The following SCPEP1 variants were observed in gnomAD, a reference collection of about 807,000 sequenced individuals.
SCPEP1 encodes the protein retinoid-inducible serine carboxypeptidase.
In SCPEP1, 51 loss-of-function variants were observed where a neutral mutation model predicts 63.8. The observed-to-expected ratio is 0.80, with a 90% CI of 0.64 to 1.01. SCPEP1 has a LOEUF of 1.01. Ranked by LOEUF, SCPEP1 falls within the 50% of genes least tolerant of loss-of-function variation. SCPEP1 has a pLI of 0.00. For missense variants in SCPEP1, 499 were observed against 554.9 expected, an observed-to-expected ratio of 0.90 and a Z score of 1.01; for synonymous variants, 204 against 207.8, an observed-to-expected ratio of 0.98 and a Z score of 0.16.
In SCPEP1 at chr17:56,991,099, G is replaced by C. The variant is rs1195377879; in HGVS notation, c.547G>C (p.Ala183Pro). The C allele has an allele frequency of 6.2e-7, 1 of 1,613,140 alleles. No homozygotes were observed. The highest frequency in any genetic ancestry group is 8.5e-7 in the Non-Finnish European group (1 of 1,179,238). Reference sequence around the variant, plus strand: ...GGACGTTTCTTGTTTCCTCTTTCAGGCCATTCAGCGAGGGACCATCAAGTG... The same window carrying C: ...GGACGTTTCTTGTTTCCTCTTTCAGCCCATTCAGCGAGGGACCATCAAGTG... ...AAGIGLELYK[A>P]IQRGTIKCNF... is the part of the protein sequence containing the mutation. The change falls in exon 6 of 13, where the codon GCC (alanine) becomes CCC (proline). Residue 183 changes from alanine to proline, a missense_variant and splice_region_variant. By Grantham distance (27) the Ala-to-Pro change is conservative. Transcript: ENST00000262288.
chr17:56,994,786 C>T (rs1911496639), intron 6 of SCPEP1, 195 bp from the exon 7 acceptor site: 1 of 522,190 alleles, frequency 1.9e-6, no homozygotes, highest in Non-Finnish European at 3.5e-6. Context: ...CCCCCACACC[C>T]TTATCCCACC....
chr17:56,994,203 A>G (rs563230575), intron 6 of SCPEP1, among the ~76,000 whole-genome samples: 27 of 152,308 alleles, frequency 1.8e-4, no homozygotes, highest in Non-Finnish European at 3.5e-4. Flanking sequence ...ACTTTGAGAC[A>G]CTTTGCCTTA....
At position 56,981,133 on chromosome 17, in the gene SCPEP1, T is replaced by C; in HGVS notation, c.128T>C (p.Val43Ala). The C allele has an allele frequency of 1.2e-6, 2 of 1,614,212 alleles. No homozygotes were observed. Among genetic ancestry groups the C allele is most frequent in the East Asian group, 4.5e-5 (2 of 44,884 alleles). The change falls in exon 2 of 13, where the codon GTG becomes GCG. Residue 43 changes from valine (V) to alanine (A), a missense_variant. Transcript: ENST00000262288. The part of the protein sequence containing the change: ...TEEGKEVWDY[V>A]TVRKDAYMFW... ...GAGGGCAAGGAAGTATGGGATTATG[T>C]GACGGTCCGCAAGGATGCCTACATG...
rs1910968373 is a variant in SCPEP1, at chr17:56,978,181, T to G, written c.22T>G (p.Ser8Ala). 6.4e-7 allele frequency: 1 copy of G among 1,555,508 alleles called. No homozygotes were observed. The highest frequency in any genetic ancestry group is 1.4e-5 in the African/African-American group (1 of 73,454). ...TGTCATGGAGCTGGCACTGCGGCGC[T>G]CTCCCGTCCCGCGGTGGTTGCTGCT... MELALRR[S>A]PVPRWLLLLP... Residue 8 changes from serine (S) to alanine (A), a missense_variant, in exon 1 of 13, where the codon TCT becomes GCT. Ser to Ala is a moderately conservative substitution (Grantham distance 99). Transcript: ENST00000262288.
chr17:56,998,956 A>G (rs77957617), intron 10 of SCPEP1, among the ~76,000 whole-genome samples: 17 of 152,238 alleles, frequency 1.1e-4, no homozygotes, highest in South Asian at 4.2e-4. Flanking sequence ...CCTGTTTCTT[A>G]AAAAGGGGAA....
intron 12 of SCPEP1, among the ~76,000 whole-genome samples, chr17:57,003,965 A>C (rs1911813494): frequency 1.3e-5 from 2 of 152,084 alleles, no homozygotes; most frequent in South Asian, 2.1e-4. Flanking sequence ...TTGGGAGGCG[A>C]AGGCAGGTGG....
intron 11 of SCPEP1, among the ~76,000 whole-genome samples, chr17:57,001,275 C>T (rs1911733815): frequency 1.3e-5 from 2 of 152,128 alleles, no homozygotes; most frequent in African/African-American, 4.8e-5. Flanking sequence ...AGACATTTTC[C>T]TGGTTATTGG....
chr17:56,983,994 C>T (rs4794677), intron 2 of SCPEP1: 57,245 of 151,952 alleles, frequency 0.38, 12,149 homozygotes, highest in East Asian at 0.59. Context: ...CTGAAACCTC[C>T]ACTTTTTGGG....
Position 57,006,294 on chromosome 17 carries a change from C to T in SCPEP1, c.*59C>T, listed in dbSNP as rs528362672. On this transcript the variant is annotated 3_prime_UTR_variant, in exon 13 of 13. Transcript: ENST00000262288. Reference sequence around the variant, plus strand: ...TTGGGGCACAGAGCTGAGCTGAGGCCGCTGAAGCTGTAGGAAGCGCCATTC... The same window carrying T: ...TTGGGGCACAGAGCTGAGCTGAGGCTGCTGAAGCTGTAGGAAGCGCCATTC... 1.4e-5 allele frequency: 19 copies of T among 1,356,210 alleles called. No homozygotes were observed. Among genetic ancestry groups the T allele is most frequent in the African/African-American group, 1.0e-4 (7 of 67,880 alleles). 84.0% of individuals were successfully genotyped at this position (1,356,210 alleles called of 1,614,324 possible).
At chr17:56,980,928 G>GT (rs367961116) in intron 1 of SCPEP1, among the ~76,000 whole-genome samples, 154 bp from the exon 2 acceptor site, 6 of 152,070 alleles carry the variant, frequency 3.9e-5, no homozygotes, top group African/African-American at 1.4e-4. Flanking sequence ...CATAGCCGAG[G>GT]TTTTTTCCTT....
chr17:56,986,423 C>T lies in SCPEP1; in HGVS notation c.315+956C>T, dbSNP rs140922620. 5.7e-3 allele frequency among the ~76,000 whole-genome samples: 870 copies of T among 152,100 alleles called. 3 individuals carry two copies. The highest frequency in any genetic ancestry group is 8.6e-3 in the Non-Finnish European group (582 of 67,982). ...TTAGGAGAGACGGGGTTTTACCATG[C>T]TGGTCAGGCTGGTCTTAAACTCTTG... On this transcript the variant is annotated intron_variant, in intron 3 of 12. Transcript: ENST00000262288.
At chr17:56,985,554 A>C in intron 3 of SCPEP1, 87 bp downstream of exon 3, 2 of 959,144 alleles carry the variant, frequency 2.1e-6, no homozygotes, top group South Asian at 2.7e-5. Context: ...CAAATGTAGC[A>C]ATCCCTCGCT....
At chr17:56,981,984 G>A (rs546055205) in intron 2 of SCPEP1, among the ~76,000 whole-genome samples, 7 of 152,246 alleles carry the variant, frequency 4.6e-5, no homozygotes, top group South Asian at 2.1e-4. Flanking sequence ...CTGCACCTTC[G>A]TGTGACTGTT....
intron 8 of SCPEP1, chr17:56,996,012 G>A (rs1911546794): frequency 6.5e-6 from 1 of 154,514 alleles, no homozygotes; most frequent in African/African-American, 2.4e-5. Context: ...AAGGACTTGG[G>A]AGTGTAGGCC....
At chr17:56,991,250 A>T in intron 6 of SCPEP1, 79 bp downstream of exon 6, 1 of 1,054,968 alleles carries the variant, frequency 9.5e-7, no homozygotes, top group Non-Finnish European at 1.5e-6. Context: ...TGTTGTCCAG[A>T]TCAAAGAGCT....
chr17:56,995,566 T>A lies in SCPEP1; in HGVS notation c.717T>A (p.Asn239Lys). 1.2e-6 allele frequency: 2 copies of A among 1,614,056 alleles called. No individual in the cohort carries two copies. The highest frequency in any genetic ancestry group is 1.7e-6 in the Non-Finnish European group (2 of 1,179,990). The change falls in exon 8 of 13, where the codon AAT becomes AAA. Residue 239 changes from asparagine (N) to lysine (K), a missense_variant. Asn to Lys is a moderately conservative substitution (Grantham distance 94). Coordinates refer to ENST00000262288, the MANE Select transcript of SCPEP1 (RefSeq NM_021626.3). ...CTAAGGTTGCAGAGCAAGTACTGAATGCCGTAAATAAGGGGCTCTACAGAG... is the reference window on the plus strand; with the variant it reads ...CTAAGGTTGCAGAGCAAGTACTGAAAGCCGTAAATAAGGGGCTCTACAGAG... Reference protein sequence around the residue: ...EVSKVAEQVLNAVNKGLYREA... With the variant: ...EVSKVAEQVLKAVNKGLYREA...
chr17:56,981,331 T>C (rs1911062590), intron 2 of SCPEP1, 101 bp downstream of exon 2: 4 of 1,290,166 alleles, frequency 3.1e-6, no homozygotes, highest in Non-Finnish European at 3.3e-6. Context: ...GAAGGGCGGA[T>C]TTGGTCCAGC....
chr17:57,000,127 G>A (rs1191942602), intron 10 of SCPEP1, among the ~76,000 whole-genome samples: 1 of 152,182 alleles, frequency 6.6e-6, no homozygotes, highest in Non-Finnish European at 1.5e-5. Context: ...TCCAGCCTGG[G>A]TGACAGGGTG....
Position 56,994,963 on chromosome 17 carries a change from A to C in SCPEP1, c.620-18A>C, listed in dbSNP as rs1400088197. The C allele has an allele frequency of 1.2e-6, 2 of 1,607,134 alleles. No homozygotes were observed. The highest frequency in any genetic ancestry group is 4.5e-5 in the East Asian group (2 of 44,834). ...GAGGTATGACATACTTGATTTGTAC[A>C]TATGTGATTTCCTTTAGATTCGGTG... On this transcript the variant is annotated intron_variant, in intron 6 of 12. Transcript: ENST00000262288.
Sources: allele counts gnomAD v4.1 joint callset (sites outside exome capture counted in the v4.1 genomes callset), GRCh38; gene constraint gnomAD v4.1.1; transcripts MANE v1.5; gene names NCBI Gene and HGNC (gene_info 2026-07-23, HGNC 2026-07-21).